Variants in STK33 observed in about 807,000 individuals in gnomAD.
STK33 encodes the protein serine/threonine-protein kinase 33.
A neutral mutation model predicts 58.0 loss-of-function variants in STK33; 52 were observed. That is an observed-to-expected ratio of 0.90 (90% CI 0.72 to 1.13). The LOEUF is 1.13. STK33 is among the 50% of genes most tolerant of loss of function. STK33 has a pLI of 0.00. For missense variants in STK33, 630 were observed against 604.2 expected, an observed-to-expected ratio of 1.04 and a Z score of -0.45; for synonymous variants, 215 against 200.1, an observed-to-expected ratio of 1.07 and a Z score of -0.63.
chr11:8,531,254 T>C (rs1008526608), intron 1 of STK33, among the ~76,000 whole-genome samples: 1 of 152,112 alleles, frequency 6.6e-6, no homozygotes, highest in Non-Finnish European at 1.5e-5. Context: ...ATTAGGAGTA[T>C]AAAAAATTCA....
chr11:8,421,611 G>T (rs910670152), intron 14 of STK33, among the ~76,000 whole-genome samples: 8 of 152,080 alleles, frequency 5.3e-5, no homozygotes, highest in Non-Finnish European at 1.0e-4. Flanking sequence ...TTTATAGCCA[G>T]GAAAGTTTGT....
At chr11:8,344,195 C>G in the STK33 span, among the ~76,000 whole-genome samples, 1 of 36,084 alleles carries the variant, frequency 2.8e-5, no homozygotes, top group Non-Finnish European at 6.9e-5. Flanking sequence ...CTAAAACAAA[C>G]AAAACACACA....
the STK33 span, among the ~76,000 whole-genome samples, chr11:8,338,786 A>T: frequency 2.3e-4 from 35 of 152,222 alleles, no homozygotes; most frequent in African/African-American, 7.5e-4. Flanking sequence ...CTGACAGTCA[A>T]TGGCCTTCTC....
the STK33 span, among the ~76,000 whole-genome samples, chr11:8,368,500 C>T: frequency 6.6e-6 from 1 of 152,228 alleles, no homozygotes. Context: ...CCAGAATGCC[C>T]GGCCTGTCGC....
chr11:8,474,697 G>C lies in STK33; in HGVS notation c.209C>G (p.Thr70Ser). The C allele has an allele frequency of 6.2e-7, 1 of 1,609,194 alleles. No homozygotes were observed. The highest frequency in any genetic ancestry group is 8.5e-7 in the Non-Finnish European group (1 of 1,178,332). The change falls in exon 5 of 16, where the codon ACC (threonine) becomes AGC (serine). Residue 70 changes from threonine (T) to serine (S), a missense_variant. Physicochemically the swap from Thr to Ser is moderately conservative, Grantham distance 58. Coordinates refer to ENST00000687296, the MANE Select transcript of STK33 (RefSeq NM_001352389.2). ...GATATTTACCAAATCTTTCCTGGAG[G>C]TTATATCTCTGTTGATATTTTTTTC... ...KKEKNINRDITSRKDLPSRTS... is the reference protein window; with the variant it reads ...KKEKNINRDISSRKDLPSRTS...
At chr11:8,441,519 T>C (rs1160026591) in intron 11 of STK33, among the ~76,000 whole-genome samples, 1 of 152,084 alleles carries the variant, frequency 6.6e-6, no homozygotes, top group Non-Finnish European at 1.5e-5. Flanking sequence ...GCCTGGCTAA[T>C]TGTTTTTTAA....
the STK33 span, among the ~76,000 whole-genome samples, chr11:8,336,049 C>T: frequency 2.6e-5 from 4 of 152,252 alleles, no homozygotes; most frequent in Admixed American, 2.6e-4. Context: ...TAGCTCCCGG[C>T]CTTCCTGCTG....
At chr11:8,572,722 G>A (rs894905453) in intron 1 of STK33, among the ~76,000 whole-genome samples, 1 of 151,854 alleles carries the variant, frequency 6.6e-6, no homozygotes, top group Non-Finnish European at 1.5e-5. Flanking sequence ...CCTGGTGCCT[G>A]AAAGATATAT....
At chr11:8,335,690 G>T in the STK33 span, among the ~76,000 whole-genome samples, 2,506 of 152,132 alleles carry the variant, frequency 0.016, 62 homozygotes, top group African/African-American at 0.053. Flanking sequence ...CATTTAAAAA[G>T]GATTAATTTT....
chr11:8,570,460 C>G (rs1957732551), intron 1 of STK33, among the ~76,000 whole-genome samples: 1 of 152,268 alleles, frequency 6.6e-6, no homozygotes, highest in South Asian at 2.1e-4. Flanking sequence ...AAAGCCTTAT[C>G]CAAATATATA....
Position 8,392,410 on chromosome 11 carries a change from A to T in STK33, c.*100T>A. 7.2e-7 allele frequency: 1 copy of T among 1,380,082 alleles called. No individual in the cohort carries two copies. 85.5% of individuals were successfully genotyped at this position (1,380,082 alleles called of 1,614,324 possible). ...CGGGGCTCTGTGGAGCTAAAAGGCT[A>T]CAAGCTCAGCATAGGGCTGTCTTCT... On this transcript the variant is annotated 3_prime_UTR_variant, in exon 16 of 16. Transcript: ENST00000687296.
chr11:8,423,338 T>C (rs1384535343), intron 14 of STK33, among the ~76,000 whole-genome samples: 1 of 151,996 alleles, frequency 6.6e-6, no homozygotes, highest in East Asian at 1.9e-4. Context: ...TAGATATCAT[T>C]AATTTTCTGT....
Position 8,518,597 on chromosome 11 carries a change from T to C in STK33, c.-465-37983A>G, listed in dbSNP as rs576495987. On this transcript the variant is annotated intron_variant, in intron 1 of 15. Transcript: ENST00000687296. ...CAGTGTGCTGTATTCAGGAGACCCATCTCACATGCAGAGACACACATAGGC... is the reference window on the plus strand; with the variant it reads ...CAGTGTGCTGTATTCAGGAGACCCACCTCACATGCAGAGACACACATAGGC... 9.9e-5 allele frequency among the ~76,000 whole-genome samples: 15 copies of C among 152,158 alleles called. No individual in the cohort carries two copies. The East Asian group carries it at 2.9e-3, about 29-fold the overall frequency.
chr11:8,417,357 C>T (rs763578844), intron 14 of STK33, among the ~76,000 whole-genome samples: 4 of 152,060 alleles, frequency 2.6e-5, no homozygotes, highest in Non-Finnish European at 5.9e-5. Context: ...AGAAGAACTG[C>T]TTAAATACTA....
chr11:8,412,926 A>C (rs1940519764), intron 15 of STK33, among the ~76,000 whole-genome samples: 1 of 152,234 alleles, frequency 6.6e-6, no homozygotes, highest in South Asian at 2.1e-4. Flanking sequence ...ATAAAACTGC[A>C]TTCAGAACTA....
chr11:8,464,022 T>C (rs773196180), intron 7 of STK33, among the ~76,000 whole-genome samples: 21 of 152,234 alleles, frequency 1.4e-4, no homozygotes, highest in Non-Finnish European at 2.6e-4. Flanking sequence ...CCTACCATTT[T>C]GTTTTTTAAA....
At chr11:8,458,994 C>G (rs1947205302) in intron 8 of STK33, among the ~76,000 whole-genome samples, 1 of 152,132 alleles carries the variant, frequency 6.6e-6, no homozygotes, top group Non-Finnish European at 1.5e-5. Context: ...AAATCTAACA[C>G]ATAAATAAGC....
At chr11:8,543,678 A>C (rs761439251) in intron 1 of STK33, among the ~76,000 whole-genome samples, 5 of 152,198 alleles carry the variant, frequency 3.3e-5, no homozygotes, top group Non-Finnish European at 5.9e-5. Flanking sequence ...AAGACCTACT[A>C]TTTGATAGCA....
At chr11:8,483,328 GGAGA>G (rs1312569266) in intron 1 of STK33, among the ~76,000 whole-genome samples, 1 of 152,134 alleles carries the variant, frequency 6.6e-6, no homozygotes, top group Admixed American at 6.5e-5. Context: ...AAGAAAAATA[GGAGA>G]GAGAAAGTCG....
Sources: allele counts gnomAD v4.1 joint callset (sites outside exome capture counted in the v4.1 genomes callset), GRCh38; gene constraint gnomAD v4.1.1; transcripts MANE v1.5; gene names NCBI Gene and HGNC (gene_info 2026-07-23, HGNC 2026-07-21).